Variants in TMEM178B observed in about 807,000 individuals in gnomAD.
TMEM178B encodes the protein transmembrane protein 178B.
TMEM178B carries 5 observed loss-of-function variants against 31.0 expected under a neutral mutation model. The ratio of observed to expected loss-of-function variants is 0.16; its 90% CI spans 0.08 to 0.34. TMEM178B has a LOEUF of 0.34. Among genes scored for constraint, TMEM178B ranks in the 10% least tolerant of loss-of-function variants. TMEM178B has a pLI of 1.00. For missense variants in TMEM178B, 275 were observed against 400.3 expected (o/e 0.69, Z 2.67); for synonymous variants, 164 against 164.0 (o/e 1.00, Z 0.00).
At chr7:141,208,075 C>T (rs1180087865) in intron 1 of TMEM178B, among the ~76,000 whole-genome samples, 5 of 152,144 alleles carry the variant, frequency 3.3e-5, no homozygotes, top group African/African-American at 9.7e-5. Context: ...TGCCTGTAGT[C>T]ACAGCTATTG....
chr7:141,510,896 C>T, the TMEM178B span, among the ~76,000 whole-genome samples: 1 of 151,930 alleles, frequency 6.6e-6, no homozygotes, highest in Non-Finnish European at 1.5e-5. Flanking sequence ...AGGGTGACAA[C>T]TGGGGGTACA....
rs531010916 is a variant in TMEM178B, at chr7:141,263,820, A to G, written c.496+51116A>G. 2.0e-5 allele frequency among the ~76,000 whole-genome samples: 3 copies of G among 152,306 alleles called. No homozygotes were observed. The South Asian group carries it at 6.2e-4, about 32-fold the overall frequency. On this transcript the variant is annotated intron_variant, in intron 2 of 3. Transcript: ENST00000565468. ...AATTGTAGATTCAGAGGTCCCCAGG[A>G]CCACTTTTACTTTCCATAGTTCTGT...
chr7:141,157,967 C>G (rs1455922740), intron 1 of TMEM178B, among the ~76,000 whole-genome samples: 1 of 152,178 alleles, frequency 6.6e-6, no homozygotes, highest in East Asian at 1.9e-4. Context: ...TTTTCCTCTC[C>G]TCTCTGCCCA....
intron 2 of TMEM178B, among the ~76,000 whole-genome samples, chr7:141,252,910 T>A (rs1324977113): frequency 6.6e-6 from 1 of 152,242 alleles, no homozygotes; most frequent in African/African-American, 2.4e-5. Context: ...CCTGTGAAGC[T>A]GATCTCCATG....
intron 3 of TMEM178B, among the ~76,000 whole-genome samples, chr7:141,469,784 G>T (rs983313111): frequency 5.9e-5 from 9 of 152,172 alleles, no homozygotes; most frequent in African/African-American, 1.9e-4. Flanking sequence ...TCTTATTAGA[G>T]ACTGATATAA....
chr7:141,080,186 G>A (rs1794660570), intron 1 of TMEM178B, among the ~76,000 whole-genome samples: 1 of 152,186 alleles, frequency 6.6e-6, no homozygotes, highest in South Asian at 2.1e-4. Context: ...GCTTGCTGTG[G>A]TAGATGCTGA....
intron 1 of TMEM178B, among the ~76,000 whole-genome samples, chr7:141,177,197 A>G (rs527536334): frequency 2.8e-4 from 43 of 152,070 alleles, no homozygotes; most frequent in African/African-American, 1.0e-3. Flanking sequence ...TCATTTCTTT[A>G]TTTACCCAGG....
rs545926946 is a variant in TMEM178B, at chr7:141,329,646, C to T, written c.497-107962C>T. Among the ~76,000 whole-genome samples the T allele has an allele frequency of 4.0e-4, 61 of 152,302 alleles. 2 individuals carry two copies. The South Asian group carries it at 0.013, about 32-fold the overall frequency. On this transcript the variant is annotated intron_variant, in intron 2 of 3. Transcript: ENST00000565468. ...CTAGCACATTGACCATCCTACAGAA[C>T]ATTTTATAATAGCCACTGCAGATGT...
intron 3 of TMEM178B, among the ~76,000 whole-genome samples, chr7:141,440,169 C>T (rs750200845): frequency 4.6e-5 from 7 of 152,230 alleles, no homozygotes; most frequent in Admixed American, 2.0e-4. Flanking sequence ...GCCCTTGGAC[C>T]GTGCTGAGGC....
chr7:141,489,811 G>T, the TMEM178B span, among the ~76,000 whole-genome samples: 1 of 152,140 alleles, frequency 6.6e-6, no homozygotes, highest in Non-Finnish European at 1.5e-5. Context: ...GCATGCTTTC[G>T]TACAAAATAG....
chr7:141,492,875 C>T, the TMEM178B span, among the ~76,000 whole-genome samples: 1 of 152,218 alleles, frequency 6.6e-6, no homozygotes, highest in South Asian at 2.1e-4. Flanking sequence ...TCCTTCTCCA[C>T]ATCTTAGATC....
intron 1 of TMEM178B, among the ~76,000 whole-genome samples, chr7:141,119,739 G>A (rs1044845550): frequency 3.9e-5 from 6 of 152,140 alleles, no homozygotes; most frequent in Non-Finnish European, 8.8e-5. Context: ...GGGTTATGTC[G>A]GTTGAGAGAA....
At chr7:141,124,516 G>T (rs1183837575) in intron 1 of TMEM178B, among the ~76,000 whole-genome samples, 1 of 152,118 alleles carries the variant, frequency 6.6e-6, no homozygotes, top group East Asian at 1.9e-4. Context: ...GGCAAGCATG[G>T]TTGCCTCGAC....
chr7:141,163,353 A>C (rs1002805868), intron 1 of TMEM178B, among the ~76,000 whole-genome samples: 3 of 150,918 alleles, frequency 2.0e-5, no homozygotes, highest in African/African-American at 7.5e-5. Context: ...ATTGACCAAA[A>C]CAAGTTATGT....
At position 141,101,908 on chromosome 7, in the gene TMEM178B, C is replaced by CGTGTGTGTGTGT. The variant is rs3032868; in HGVS notation, c.382+27239_382+27250dup. 5.3e-4 allele frequency among the ~76,000 whole-genome samples: 75 copies of CGTGTGTGTGTGT among 142,804 alleles called. No individual in the cohort carries two copies. The South Asian group carries it at 6.1e-3, about 12-fold the overall frequency. The allele number at this position is 142,804 out of a possible 152,430, so 93.7% of individuals were successfully genotyped here. A position where few individuals can be genotyped will look rare whatever the true frequency, so the allele number is the denominator to read the frequency against. On this transcript the variant is annotated intron_variant, in intron 1 of 3. Coordinates refer to ENST00000565468, the MANE Select transcript of TMEM178B (RefSeq NM_001195278.2). ...CAGGTGCCTGGATAGTGTGTGTTAA[C>CGTGTGTGTGTGT]GTGTGTGTGTGTGTGTGTGTGTGTG...
At chr7:141,115,866 A>G (rs1007496317) in intron 1 of TMEM178B, among the ~76,000 whole-genome samples, 2 of 152,244 alleles carry the variant, frequency 1.3e-5, no homozygotes, top group Admixed American at 1.3e-4. Context: ...TTAAATATGT[A>G]TAAAATAAAG....
chr7:141,362,760 C>T (rs558695388), intron 2 of TMEM178B, among the ~76,000 whole-genome samples: 4 of 152,172 alleles, frequency 2.6e-5, no homozygotes, highest in Non-Finnish European at 5.9e-5. Context: ...TGAGTTCCCC[C>T]ACCTCAGCTG....
At chr7:141,124,847 C>A (rs1433810034) in intron 1 of TMEM178B, among the ~76,000 whole-genome samples, 2 of 152,120 alleles carry the variant, frequency 1.3e-5, no homozygotes, top group South Asian at 2.1e-4. Flanking sequence ...GATTACACGG[C>A]GGTTTTCTTT....
At chr7:141,279,058 A>G (rs1798312301) in intron 2 of TMEM178B, among the ~76,000 whole-genome samples, 1 of 152,208 alleles carries the variant, frequency 6.6e-6, no homozygotes, top group Non-Finnish European at 1.5e-5. Flanking sequence ...TGATCAAGGT[A>G]AGATTCTGTT....
Sources: gnomAD v4.1 joint callset for allele counts (sites outside exome capture counted in the v4.1 genomes callset) on GRCh38, gnomAD v4.1.1 for gene constraint, MANE v1.5 for transcripts, NCBI Gene and HGNC (gene_info 2026-07-23, HGNC 2026-07-21) for gene names.